NLGN1: variants seen among roughly 807,000 people sequenced by gnomAD.
The protein encoded by NLGN1 is neuroligin-1.
A neutral mutation model predicts 65.5 loss-of-function variants in NLGN1; 12 were observed. The observed-to-expected ratio is 0.18, with a 90% CI of 0.12 to 0.30. The LOEUF (loss-of-function observed/expected upper bound fraction) is 0.30. Among genes scored for constraint, NLGN1 ranks in the 10% least tolerant of loss-of-function variants. The probability of loss-of-function intolerance (pLI) is 1.00; values close to 1 mark genes in which losing one functional copy is unlikely to be tolerated. For synonymous variants in NLGN1, 350 were observed against 359.5 expected (o/e 0.97, Z 0.30); for missense variants, 750 against 1,007.1 (o/e 0.74, Z 3.46).
chr3:173,807,868 C>A, intron 4 of NLGN1, 36 bp downstream of exon 4: 1 of 1,587,738 alleles, frequency 6.3e-7, no homozygotes, highest in Non-Finnish European at 8.6e-7. Context: ...CACCATGAAT[C>A]CATGAAGTAT....
intron 4 of NLGN1, among the ~76,000 whole-genome samples, chr3:174,170,412 C>T (rs1728301394): frequency 6.6e-6 from 1 of 152,180 alleles, no homozygotes; most frequent in Non-Finnish European, 1.5e-5. Flanking sequence ...GGATGATCCA[C>T]TGCTGTAATC....
At chr3:173,547,148 G>A (rs1740004344) in intron 2 of NLGN1, among the ~76,000 whole-genome samples, 4 of 151,894 alleles carry the variant, frequency 2.6e-5, no homozygotes, top group Admixed American at 2.6e-4. Context: ...GGGTAAAATT[G>A]CTATTTTTTT....
intron 4 of NLGN1, among the ~76,000 whole-genome samples, chr3:174,076,720 AGAGAGTGTGTGT>A (rs756425830): frequency 6.2e-4 from 71 of 114,794 alleles, no homozygotes; most frequent in Middle Eastern, 4.9e-3. Flanking sequence ...AGAGAGAGAG[AGAGAGTGTGTGT>A]GTGTGTGTGT....
chr3:173,580,144 C>A (rs1746166421), intron 2 of NLGN1, among the ~76,000 whole-genome samples: 1 of 152,088 alleles, frequency 6.6e-6, no homozygotes, highest in Non-Finnish European at 1.5e-5. Flanking sequence ...CCCACCTTTT[C>A]TCAAAATAAC....
At chr3:173,621,428 G>T (rs1753967291) in intron 3 of NLGN1, among the ~76,000 whole-genome samples, 1 of 152,066 alleles carries the variant, frequency 6.6e-6, no homozygotes, top group Non-Finnish European at 1.5e-5. Context: ...ATTGAATTGT[G>T]ATAAAATATT....
At chr3:173,524,206 G>C (rs1005874557) in intron 2 of NLGN1, among the ~76,000 whole-genome samples, 9 of 151,944 alleles carry the variant, frequency 5.9e-5, no homozygotes, top group Admixed American at 5.9e-4. Flanking sequence ...GATTACAGGT[G>C]TGAGCCACTG....
chr3:173,706,248 C>T (rs980007533), intron 3 of NLGN1, among the ~76,000 whole-genome samples: 15 of 152,052 alleles, frequency 9.9e-5, no homozygotes, highest in Admixed American at 2.6e-4. Context: ...ATTTACTGTT[C>T]TATCATTCCC....
At chr3:174,242,643 C>A (rs1181742734) in intron 4 of NLGN1, among the ~76,000 whole-genome samples, 5 of 152,072 alleles carry the variant, frequency 3.3e-5, no homozygotes, top group African/African-American at 9.7e-5. Flanking sequence ...TGTCTCCCAT[C>A]TCTGCCAGAT....
intron 4 of NLGN1, among the ~76,000 whole-genome samples, chr3:173,860,508 A>G (rs1560509898): frequency 1.3e-5 from 2 of 152,166 alleles, no homozygotes; most frequent in Non-Finnish European, 2.9e-5. Context: ...TAGAAAGTCA[A>G]AAATACTTTC....
At chr3:173,684,206 T>C (rs368757380) in intron 3 of NLGN1, among the ~76,000 whole-genome samples, 8 of 152,286 alleles carry the variant, frequency 5.3e-5, no homozygotes, top group African/African-American at 1.9e-4. Context: ...GAAGACACAG[T>C]AAGTTTTTTT....
chr3:173,780,381 A>C lies in NLGN1; in HGVS notation c.494-27299A>C, dbSNP rs138401836. 4.9e-4 allele frequency among the ~76,000 whole-genome samples: 75 copies of C among 152,344 alleles called. 1 individual carries two copies. The highest frequency in any genetic ancestry group is 1.7e-3 in the African/African-American group (69 of 41,582). ...TGTTAAAAATGTTCGTTATGTTCAAAGTATGAATCTCAAATAAGACTCAAT... is the reference window on the plus strand; with the variant it reads ...TGTTAAAAATGTTCGTTATGTTCAACGTATGAATCTCAAATAAGACTCAAT... On this transcript the variant is annotated intron_variant, in intron 3 of 6. Transcript: ENST00000457714.
At chr3:173,991,661 A>AGTAGGAGAAAGAATACTTCTTCTTTC (rs1721125676) in intron 4 of NLGN1, among the ~76,000 whole-genome samples, 1 of 152,188 alleles carries the variant, frequency 6.6e-6, no homozygotes, top group South Asian at 2.1e-4. Context: ...GGAAGTACAA[A>AGTAGGAGAAAGAATACTTCTTCTTTC]GTAGGAGAAA....
intron 4 of NLGN1, among the ~76,000 whole-genome samples, chr3:174,219,137 A>G (rs761207188): frequency 6.6e-6 from 1 of 152,134 alleles, no homozygotes; most frequent in South Asian, 2.1e-4. Flanking sequence ...AATGATGTCA[A>G]TAGCACCAGC....
chr3:174,263,200 C>T (rs919367100), intron 4 of NLGN1, among the ~76,000 whole-genome samples: 18 of 150,774 alleles, frequency 1.2e-4, no homozygotes, highest in East Asian at 7.8e-4. Context: ...CTATTAGGTC[C>T]GCTTGGTGCA....
At chr3:173,571,682 G>A (rs1744677964) in intron 2 of NLGN1, among the ~76,000 whole-genome samples, 2 of 152,164 alleles carry the variant, frequency 1.3e-5, no homozygotes, top group African/African-American at 2.4e-5. Flanking sequence ...GCATGCATTA[G>A]GCTGGAATAT....
intron 5 of NLGN1, among the ~76,000 whole-genome samples, chr3:174,277,695 A>G (rs577020513): frequency 1.3e-5 from 2 of 151,866 alleles, no homozygotes; most frequent in African/African-American, 4.8e-5. Flanking sequence ...ATACTGTTAG[A>G]TTTTTTTAAT....
chr3:173,625,389 T>G (rs1754667998), intron 3 of NLGN1, among the ~76,000 whole-genome samples: 5 of 152,110 alleles, frequency 3.3e-5, no homozygotes, highest in Admixed American at 3.3e-4. Flanking sequence ...GTACGTCTGC[T>G]TAGATTGCAG....
At chr3:173,951,947 A>G (rs752489376) in intron 4 of NLGN1, among the ~76,000 whole-genome samples, 11 of 152,212 alleles carry the variant, frequency 7.2e-5, no homozygotes, top group Non-Finnish European at 1.5e-4. Context: ...TTTTCACAAC[A>G]TAACTTATGC....
Position 173,488,439 on chromosome 3 carries a change from C to T in NLGN1, c.-321+53361C>T, listed in dbSNP as rs189515631. 2.0e-4 allele frequency among the ~76,000 whole-genome samples: 31 copies of T among 152,020 alleles called. No individual in the cohort carries two copies. In the East Asian group the frequency reaches 4.4e-3, roughly 22 times the overall value. On this transcript the variant is annotated intron_variant, in intron 2 of 6. Transcript: ENST00000457714. The stretch of plus-strand genomic sequence containing the variant: ...GATTGAATTCTCTTTTCTTGATGTG[C>T]GTTCTTTGTCATTTCTTTCAATGGC...
Sources: allele counts gnomAD v4.1 joint callset (sites outside exome capture counted in the v4.1 genomes callset), GRCh38; gene constraint gnomAD v4.1.1; transcripts MANE v1.5; gene names NCBI Gene and HGNC (gene_info 2026-07-23, HGNC 2026-07-21).